Variants in NOS1 observed in about 807,000 individuals in gnomAD.
The protein encoded by NOS1 is NOS type I.
A neutral mutation model predicts 164.5 loss-of-function variants in NOS1; 51 were observed. The ratio of observed to expected loss-of-function variants is 0.31; its 90% confidence interval spans 0.25 to 0.39. The LOEUF (loss-of-function observed/expected upper bound fraction) is 0.39. Ranked by LOEUF, NOS1 falls within the 10% of genes least tolerant of loss-of-function variation. The probability of loss-of-function intolerance (pLI) is 1.00; values close to 1 mark genes in which losing one functional copy is unlikely to be tolerated. For synonymous variants in NOS1, 719 were observed against 745.8 expected (o/e 0.96, Z 0.59); for missense variants, 1,362 against 1,885.6 (o/e 0.72, Z 5.14).
chr12:117,239,502 C>A (rs1022847593), intron 20 of NOS1, among the ~76,000 whole-genome samples: 3 of 152,162 alleles, frequency 2.0e-5, no homozygotes, highest in Admixed American at 6.5e-5. Context: ...ATGGTGACTG[C>A]GGTCACTTTT....
chr12:117,292,483 G>T (rs1223022607), intron 3 of NOS1, among the ~76,000 whole-genome samples: 1 of 152,172 alleles, frequency 6.6e-6, no homozygotes, highest in Non-Finnish European at 1.5e-5. Flanking sequence ...AAATGAGCTG[G>T]ATCAAAGTCC....
chr12:117,247,940 C>T (rs577121711), intron 17 of NOS1, among the ~76,000 whole-genome samples: 11 of 139,584 alleles, frequency 7.9e-5, no homozygotes, highest in African/African-American at 2.7e-4. Flanking sequence ...AGCGAGACTC[C>T]GTCTAAAAAA....
At position 117,330,358 on chromosome 12, in the gene NOS1, T is replaced by C. The variant is rs1167094178; in HGVS notation, c.712A>G (p.Ile238Val). The C allele has an allele frequency of 6.2e-7, 1 of 1,612,056 alleles. No homozygotes were observed. Among genetic ancestry groups the C allele is most frequent in the South Asian group, 1.1e-5 (1 of 90,892 alleles). The change falls in exon 2 of 29, where the codon ATC becomes GTC. Residue 238 changes from isoleucine to valine, a missense_variant. Physicochemically the swap from Ile to Val is conservative, Grantham distance 29 (BLOSUM62 3). Coordinates refer to ENST00000317775, the MANE Select transcript of NOS1 (RefSeq NM_000620.5). This position sits in a 1 kb window ranked among gnomAD's most constrained non-coding sequence, Gnocchi z 4.6. Reference sequence around the variant, plus strand: ...TGTGGAGCTTACCTGTCCACCTGGATTCCCATATCTTTCATCTCTGCCTTG... The same window carrying C: ...TGTGGAGCTTACCTGTCCACCTGGACTCCCATATCTTTCATCTCTGCCTTG... ...PAKAEMKDMG[I>V]QVDRDLDGKS... is the part of the protein sequence containing the mutation.
chr12:117,339,833 T>G (rs542612896), intron 1 of NOS1, among the ~76,000 whole-genome samples: 15 of 152,362 alleles, frequency 9.8e-5, no homozygotes, highest in African/African-American at 3.4e-4. Context: ...AGCTTCATCA[T>G]GCATTCATCC....
intron 22 of NOS1, among the ~76,000 whole-genome samples, chr12:117,231,579 A>G (rs964766489): frequency 6.6e-6 from 1 of 152,198 alleles, no homozygotes; most frequent in African/African-American, 2.4e-5. Context: ...AAAAATAAAA[A>G]TTAAAAAAAC....
intron 1 of NOS1, among the ~76,000 whole-genome samples, chr12:117,339,418 C>T (rs900928812): frequency 3.3e-5 from 5 of 152,238 alleles, no homozygotes; most frequent in African/African-American, 4.8e-5. Flanking sequence ...GGAAATCCCA[C>T]TCTCTTACAT....
At chr12:117,236,151 T>G (rs1042843159) in intron 20 of NOS1, among the ~76,000 whole-genome samples, 3 of 152,206 alleles carry the variant, frequency 2.0e-5, no homozygotes, top group African/African-American at 7.2e-5. Flanking sequence ...CTTTGAGAAA[T>G]CAAATCCTTT....
intron 1 of NOS1, among the ~76,000 whole-genome samples, chr12:117,334,525 T>C (rs1367157179): frequency 6.6e-6 from 1 of 151,888 alleles, no homozygotes; most frequent in Non-Finnish European, 1.5e-5. Flanking sequence ...GCCTCCCGAG[T>C]AGCTGGGATT....
At position 117,311,528 on chromosome 12, in the gene NOS1, C is replaced by T. The variant is rs756094857; in HGVS notation, c.790G>A (p.Asp264Asn). 1 of 1,612,658 alleles carries T rather than the reference C, an allele frequency of 6.2e-7. No individual in the cohort carries two copies. The highest frequency in any genetic ancestry group is 1.7e-5 in the Admixed American group (1 of 59,820). The change falls in exon 3 of 29, where the codon GAC becomes AAC. Residue 264 changes from aspartate (D) to asparagine (N), a missense_variant. Asp to Asn is a conservative substitution (Grantham distance 23). Around this residue, in one of 4 missense-constraint regions of NOS1, gnomAD observed 362 missense variants for 402.0 expected, o/e 0.90. Transcript: ENST00000317775. ...LGVENDRVFN[D>N]LWGKGNVPVV... ...GGCACATTGCCCTTCCCCCATAGGT[C>T]ATTGAAGACTCGGTCGTTCTCCACG...
chr12:117,361,139 C>T (rs1198080512), intron 1 of NOS1, among the ~76,000 whole-genome samples: 2 of 152,006 alleles, frequency 1.3e-5, no homozygotes, highest in South Asian at 2.1e-4. Context: ...GACGCCGAGC[C>T]GGGCAGCGCC....
At chr12:117,352,771 T>C (rs1449892202) in intron 1 of NOS1, among the ~76,000 whole-genome samples, 3 of 152,178 alleles carry the variant, frequency 2.0e-5, no homozygotes, top group Non-Finnish European at 2.9e-5. Flanking sequence ...TGCACATGTA[T>C]TCGTGTGTGG....
intron 16 of NOS1, among the ~76,000 whole-genome samples, chr12:117,257,027 G>A (rs1034910238): frequency 3.9e-5 from 6 of 152,108 alleles, no homozygotes; most frequent in African/African-American, 7.2e-5. Flanking sequence ...AGCTGAGATC[G>A]TGCCATTGCA....
At chr12:117,257,600 A>AT (rs1210585955) in intron 16 of NOS1, among the ~76,000 whole-genome samples, 1 of 123,504 alleles carries the variant, frequency 8.1e-6, no homozygotes, top group Non-Finnish European at 1.7e-5. Context: ...CCATTCTTTG[A>AT]TTTTAGCTTT....
chr12:117,358,349 C>T (rs1388762210), intron 1 of NOS1, among the ~76,000 whole-genome samples: 2 of 151,206 alleles, frequency 1.3e-5, no homozygotes, highest in Non-Finnish European at 3.0e-5. Flanking sequence ...CACTCTTCTC[C>T]GTGCGGTCCT....
At chr12:117,270,323 G>A (rs1472370557) in intron 10 of NOS1, among the ~76,000 whole-genome samples, 1 of 152,126 alleles carries the variant, frequency 6.6e-6, no homozygotes, top group Non-Finnish European at 1.5e-5. Context: ...AGGTGGAATT[G>A]GAGGGTCGGG....
chr12:117,315,644 C>CCT (rs1874636501), intron 2 of NOS1, among the ~76,000 whole-genome samples: 2 of 152,348 alleles, frequency 1.3e-5, no homozygotes, highest in African/African-American at 4.8e-5. Flanking sequence ...CCTGGATCCA[C>CCT]CTGTTTGCTG....
At position 117,242,781 on chromosome 12, in the gene NOS1, T is replaced by G. The variant is rs1870293150; in HGVS notation, c.2963-76A>C. Reference sequence around the variant, plus strand: ...TAAAAACTCCCCAGGTGGGGCAACGTGGCTCACGCCCATAATCCCAACTAC... The same window carrying G: ...TAAAAACTCCCCAGGTGGGGCAACGGGGCTCACGCCCATAATCCCAACTAC... On this transcript the variant is annotated intron_variant, in intron 19 of 28. Transcript: ENST00000317775. The G allele has an allele frequency of 4.4e-6, 6 of 1,353,260 alleles. No homozygotes were observed. The South Asian group carries it at 7.1e-5, about 16-fold the overall frequency. The allele number at this position is 1,353,260 out of a possible 1,614,324, so 83.8% of individuals were successfully genotyped here.
At chr12:117,285,041 C>T (rs978569783) in intron 7 of NOS1, among the ~76,000 whole-genome samples, 200 bp downstream of exon 7, 9 of 109,032 alleles carry the variant, frequency 8.3e-5, no homozygotes, top group African/African-American at 2.9e-4. Flanking sequence ...CAGAGCAAGA[C>T]TCTGTCTCAA....
intron 18 of NOS1, among the ~76,000 whole-genome samples, chr12:117,244,725 A>G (rs1302434917): frequency 6.6e-6 from 1 of 152,248 alleles, no homozygotes; most frequent in African/African-American, 2.4e-5. Context: ...GCTATAAAAA[A>G]GGATGAAGTT....
Sources: gnomAD v4.1 joint callset for allele counts (sites outside exome capture counted in the v4.1 genomes callset) on GRCh38, gnomAD v4.1.1 for gene constraint, gnomAD v4.1.1 regional missense constraint, Gnocchi (gnomAD v3.1) non-coding constraint, MANE v1.5 for transcripts, NCBI Gene and HGNC (gene_info 2026-07-23, HGNC 2026-07-21) for gene names.